FSTL5: variants seen among roughly 807,000 people sequenced by gnomAD.
FSTL5 encodes follistatin like 5.
FSTL5 carries 62 observed loss-of-function variants against 89.1 expected under a neutral mutation model. The observed-to-expected ratio is 0.70, with a 90% CI of 0.57 to 0.86. The LOEUF (loss-of-function observed/expected upper bound fraction) is 0.86, where lower values mean the gene tolerates loss of function less well. Among genes scored for constraint, FSTL5 ranks in the 40% least tolerant of loss-of-function variants. The pLI is 0.00. For synonymous variants in FSTL5, 383 were observed against 346.2 expected, an observed-to-expected ratio of 1.11 and a Z score of -1.18; for missense variants, 1,057 against 1,001.6, an observed-to-expected ratio of 1.06 and a Z score of -0.75.
At chr4:162,115,092 G>T (rs1215602299) in intron 1 of FSTL5, among the ~76,000 whole-genome samples, 1 of 152,060 alleles carries the variant, frequency 6.6e-6, no homozygotes, top group Non-Finnish European at 1.5e-5. Flanking sequence ...ATAGGCATTT[G>T]AGCTCAGCAG....
intron 1 of FSTL5, among the ~76,000 whole-genome samples, chr4:162,148,104 G>T (rs772413062): frequency 1.3e-5 from 2 of 152,160 alleles, no homozygotes; most frequent in Non-Finnish European, 2.9e-5. Context: ...GCCACAACCT[G>T]AGTTACCTTG....
At chr4:162,137,647 G>C (rs1732569366) in intron 1 of FSTL5, among the ~76,000 whole-genome samples, 1 of 152,086 alleles carries the variant, frequency 6.6e-6, no homozygotes, top group Non-Finnish European at 1.5e-5. Flanking sequence ...TTTGGCAGTA[G>C]ACATTTGTAT....
At chr4:161,757,664 G>A (rs1740624918) in intron 6 of FSTL5, among the ~76,000 whole-genome samples, 1 of 151,858 alleles carries the variant, frequency 6.6e-6, no homozygotes, top group South Asian at 2.1e-4. Flanking sequence ...TGTTGTTTAG[G>A]CTGGAGTGCA....
At chr4:161,476,180 T>TTTTTTTG (rs1734134617) in intron 13 of FSTL5, among the ~76,000 whole-genome samples, 3 of 102,042 alleles carry the variant, frequency 2.9e-5, no homozygotes, top group Non-Finnish European at 3.9e-5. Context: ...CTGGTTTTTT[T>TTTTTTTG]TTTTTTTTGT....
intron 2 of FSTL5, among the ~76,000 whole-genome samples, chr4:162,059,993 A>G (rs936565282): frequency 6.6e-6 from 1 of 152,292 alleles, no homozygotes; most frequent in African/African-American, 2.4e-5. Context: ...AATTGACTCA[A>G]TATGTTCTGT....
intron 15 of FSTL5, among the ~76,000 whole-genome samples, chr4:161,454,354 C>T (rs533642061): frequency 6.6e-6 from 1 of 152,286 alleles, no homozygotes; most frequent in Non-Finnish European, 1.5e-5. Flanking sequence ...ACCTTCTCCT[C>T]ATTTTAGCAT....
chr4:162,092,974 AAGAT>A (rs1219255587), intron 2 of FSTL5, among the ~76,000 whole-genome samples: 3 of 150,640 alleles, frequency 2.0e-5, no homozygotes, highest in African/African-American at 4.9e-5. Context: ...AAAAAAAAGA[AAGAT>A]AGCCGAGGCT....
chr4:161,646,523 C>A (rs1181593745), intron 7 of FSTL5, among the ~76,000 whole-genome samples: 2 of 151,738 alleles, frequency 1.3e-5, no homozygotes, highest in East Asian at 3.9e-4. Context: ...CATATAAAAT[C>A]CAGACATATT....
chr4:161,809,587 A>G (rs187043887), intron 4 of FSTL5, among the ~76,000 whole-genome samples: 38 of 152,342 alleles, frequency 2.5e-4, no homozygotes, highest in Non-Finnish European at 5.0e-4. Flanking sequence ...AAAGCAATCA[A>G]TGGAAGTGGG....
chr4:161,979,749 A>G (rs1000748454), intron 3 of FSTL5, among the ~76,000 whole-genome samples: 1 of 152,106 alleles, frequency 6.6e-6, no homozygotes, highest in Non-Finnish European at 1.5e-5. Flanking sequence ...TGATAACAAC[A>G]TATCTATTGC....
At chr4:161,913,192 T>G (rs1350792843) in intron 4 of FSTL5, among the ~76,000 whole-genome samples, 2 of 152,138 alleles carry the variant, frequency 1.3e-5, no homozygotes, top group Non-Finnish European at 2.9e-5. Context: ...GCTACAGGAA[T>G]TTGTATAAGC....
intron 8 of FSTL5, among the ~76,000 whole-genome samples, chr4:161,566,964 T>C (rs1277277363): frequency 6.6e-6 from 1 of 152,082 alleles, no homozygotes; most frequent in East Asian, 1.9e-4. Flanking sequence ...ATTCTTCCCA[T>C]TTGGTCAAGT....
intron 6 of FSTL5, among the ~76,000 whole-genome samples, chr4:161,747,635 G>A (rs1398569875): frequency 1.3e-5 from 2 of 152,134 alleles, no homozygotes; most frequent in African/African-American, 4.8e-5. Context: ...GCAACAACTA[G>A]GGTCTGTTTA....
intron 15 of FSTL5, among the ~76,000 whole-genome samples, chr4:161,448,052 C>T (rs552981363): frequency 1.3e-5 from 2 of 151,944 alleles, no homozygotes; most frequent in Non-Finnish European, 2.9e-5. Context: ...AAGGGAAGGT[C>T]ACAATTTCAG....
intron 6 of FSTL5, among the ~76,000 whole-genome samples, chr4:161,689,088 C>G (rs1313303702): frequency 1.3e-5 from 2 of 152,056 alleles, no homozygotes; most frequent in Non-Finnish European, 2.9e-5. Flanking sequence ...ATACAACATC[C>G]TTTTTGGTAT....
intron 7 of FSTL5, among the ~76,000 whole-genome samples, chr4:161,619,933 C>A (rs1490129719): frequency 6.6e-6 from 1 of 151,964 alleles, no homozygotes; most frequent in South Asian, 2.1e-4. Context: ...AGACTTGGAA[C>A]CAACCCAAAT....
chr4:162,008,698 A>G (rs906402981), intron 3 of FSTL5, among the ~76,000 whole-genome samples: 3 of 151,952 alleles, frequency 2.0e-5, no homozygotes, highest in Non-Finnish European at 4.4e-5. Flanking sequence ...TAAAAACACA[A>G]TGAACTAGAT....
chr4:162,094,418 A>G (rs1009760523), intron 2 of FSTL5, among the ~76,000 whole-genome samples: 2 of 152,148 alleles, frequency 1.3e-5, no homozygotes, highest in Non-Finnish European at 2.9e-5. Context: ...TACCCAACAG[A>G]AGGCATACAC....
At chr4:161,834,105 T>C (rs1444670445) in intron 4 of FSTL5, among the ~76,000 whole-genome samples, 1 of 152,148 alleles carries the variant, frequency 6.6e-6, no homozygotes, top group Non-Finnish European at 1.5e-5. Context: ...TTATCCACCA[T>C]GATCAAGTGG....
Sources: allele counts gnomAD v4.1 joint callset (sites outside exome capture counted in the v4.1 genomes callset), GRCh38; gene constraint gnomAD v4.1.1; transcripts MANE v1.5; gene names NCBI Gene and HGNC (gene_info 2026-07-23, HGNC 2026-07-21).